The following GPC5 variants were observed in gnomAD, a reference collection of about 807,000 sequenced individuals.
GPC5 encodes glypican-5.
Under a neutral mutation model 53.9 loss-of-function variants are expected in GPC5, and 47 were observed. That is an observed-to-expected ratio of 0.87 (90% CI 0.69 to 1.11). The LOEUF (loss-of-function observed/expected upper bound fraction) is 1.11, where lower values mean the gene tolerates loss of function less well. Ranked by LOEUF, GPC5 falls within the 50% of genes most tolerant of loss-of-function variation. The probability of loss-of-function intolerance (pLI) is 0.00; values close to 1 mark genes in which losing one functional copy is unlikely to be tolerated. For missense variants in GPC5, 748 were observed against 713.1 expected (o/e 1.05, Z -0.56); for synonymous variants, 286 against 263.3 (o/e 1.09, Z -0.84).
chr13:92,234,292 C>G (rs995764704), intron 7 of GPC5, among the ~76,000 whole-genome samples: 2 of 152,166 alleles, frequency 1.3e-5, no homozygotes, highest in African/African-American at 4.8e-5. Flanking sequence ...AAAAGTGTTC[C>G]TCTTTCTCCA....
At chr13:91,984,828 CAG>C (rs1397058325) in intron 6 of GPC5, among the ~76,000 whole-genome samples, 1 of 152,102 alleles carries the variant, frequency 6.6e-6, no homozygotes, top group African/African-American at 2.4e-5. Flanking sequence ...ATTTTGTGAA[CAG>C]AGAACATATT....
chr13:92,084,723 A>G (rs2041322744), intron 6 of GPC5, among the ~76,000 whole-genome samples: 1 of 152,178 alleles, frequency 6.6e-6, no homozygotes, highest in African/African-American at 2.4e-5. Flanking sequence ...TTTACCCAAC[A>G]TTTGGTATAT....
intron 2 of GPC5, among the ~76,000 whole-genome samples, chr13:91,508,799 A>C (rs1885084119): frequency 6.6e-6 from 1 of 152,200 alleles, no homozygotes; most frequent in South Asian, 2.1e-4. Flanking sequence ...CTCTATGTCA[A>C]TGTGCTATAT....
At chr13:91,564,332 A>G (rs1435559160) in intron 2 of GPC5, among the ~76,000 whole-genome samples, 1 of 152,154 alleles carries the variant, frequency 6.6e-6, no homozygotes, top group Non-Finnish European at 1.5e-5. Flanking sequence ...ATAAAGAGGT[A>G]ACAAGTCAGC....
At chr13:91,635,260 C>G (rs980659973) in intron 2 of GPC5, among the ~76,000 whole-genome samples, 1 of 151,910 alleles carries the variant, frequency 6.6e-6, no homozygotes, top group African/African-American at 2.4e-5. Flanking sequence ...GTAAAAGTTT[C>G]CAGTAACAGA....
At chr13:91,771,153 T>C (rs2037617295) in intron 5 of GPC5, among the ~76,000 whole-genome samples, 1 of 152,136 alleles carries the variant, frequency 6.6e-6, no homozygotes, top group African/African-American at 2.4e-5. Context: ...GATAGAAAAT[T>C]AGGCAAAGTG....
chr13:91,519,490 G>A (rs1885689187), intron 2 of GPC5, among the ~76,000 whole-genome samples: 1 of 152,066 alleles, frequency 6.6e-6, no homozygotes, highest in South Asian at 2.1e-4. Context: ...CTTGAGATCC[G>A]GTTGTTTAAA....
intron 2 of GPC5, among the ~76,000 whole-genome samples, chr13:91,660,376 A>G (rs1005942957): frequency 2.6e-5 from 4 of 152,180 alleles, no homozygotes; most frequent in African/African-American, 9.7e-5. Context: ...AGTGGCCCAC[A>G]TAAGTGAGCC....
At chr13:91,671,780 C>CAAAAAAAA (rs55758033) in intron 2 of GPC5, among the ~76,000 whole-genome samples, 332 of 33,158 alleles carry the variant, frequency 0.01, 7 homozygotes, top group East Asian at 0.014. Context: ...CAATCTGAAG[C>CAAAAAAAA]AAAAAAAAAA....
chr13:92,595,716 A>C (rs12871010), intron 7 of GPC5, among the ~76,000 whole-genome samples: 4 of 145,478 alleles, frequency 2.7e-5, no homozygotes, highest in Non-Finnish European at 6.0e-5. Context: ...TGCAGTGAGC[A>C]GAGATCGCGC....
chr13:92,776,734 G>A (rs1343603332), intron 7 of GPC5, among the ~76,000 whole-genome samples: 1 of 152,082 alleles, frequency 6.6e-6, no homozygotes, highest in Non-Finnish European at 1.5e-5. Flanking sequence ...AGTCCAAAAT[G>A]TATGTCATGC....
chr13:92,564,860 C>T (rs1393104243), intron 7 of GPC5, among the ~76,000 whole-genome samples: 2 of 151,988 alleles, frequency 1.3e-5, no homozygotes, highest in Admixed American at 6.6e-5. Context: ...TACTTCAGAT[C>T]GAGTTGGTTT....
intron 7 of GPC5, among the ~76,000 whole-genome samples, chr13:92,558,550 G>C (rs1882580587): frequency 6.6e-6 from 1 of 151,960 alleles, no homozygotes; most frequent in South Asian, 2.1e-4. Flanking sequence ...GGTTATGTTT[G>C]TCATATTTGC....
At chr13:92,294,341 T>G (rs1365189492) in intron 7 of GPC5, among the ~76,000 whole-genome samples, 1 of 152,152 alleles carries the variant, frequency 6.6e-6, no homozygotes, top group East Asian at 1.9e-4. Context: ...TTGTTGTTGT[T>G]GTTGATAATT....
rs114674963 is a variant in GPC5 at position 92,230,417 on chromosome 13, C to G, written c.1561+85428C>G. Among the ~76,000 whole-genome samples the G allele has an allele frequency of 9.7e-3, 1,478 of 152,154 alleles. 26 individuals are homozygous for G. Among genetic ancestry groups the G allele is most frequent in the African/African-American group, 0.033 (1,389 of 41,524 alleles). ...TTGAGGAGAATATCTGTGTAACGTA[C>G]TATTAACAAATACAAATTTAAATAA... is the stretch of plus-strand genomic sequence containing the variant. On this transcript the variant is annotated intron_variant, in intron 7 of 7. Coordinates refer to ENST00000377067, the MANE Select transcript of GPC5 (RefSeq NM_004466.6).
At chr13:91,808,312 T>G (rs561671304) in intron 5 of GPC5, among the ~76,000 whole-genome samples, 1 of 152,246 alleles carries the variant, frequency 6.6e-6, no homozygotes, top group Admixed American at 6.5e-5. Context: ...AGAGTACCAA[T>G]TCATTGGTTA....
chr13:91,438,943 C>T (rs536238990), intron 1 of GPC5, among the ~76,000 whole-genome samples: 7 of 152,338 alleles, frequency 4.6e-5, no homozygotes, highest in East Asian at 1.9e-4. Flanking sequence ...GCTCCGTGGG[C>T]GTAGGACCCT....
At chr13:91,784,380 CA>C (rs1236438880) in intron 5 of GPC5, among the ~76,000 whole-genome samples, 1 of 152,070 alleles carries the variant, frequency 6.6e-6, no homozygotes, top group Non-Finnish European at 1.5e-5. Flanking sequence ...TAACAAGTTG[CA>C]AATTGGAGAA....
At chr13:92,514,784 G>T (rs1880707191) in intron 7 of GPC5, among the ~76,000 whole-genome samples, 1 of 152,112 alleles carries the variant, frequency 6.6e-6, no homozygotes, top group African/African-American at 2.4e-5. Context: ...TAGTGAGTCA[G>T]ACAAATAACC....
Sources: gnomAD v4.1 joint callset for allele counts (sites outside exome capture counted in the v4.1 genomes callset) on GRCh38, gnomAD v4.1.1 for gene constraint, MANE v1.5 for transcripts, NCBI Gene and HGNC (gene_info 2026-07-23, HGNC 2026-07-21) for gene names.